MIGA1: variants seen among roughly 807,000 people sequenced by gnomAD.
MIGA1 encodes mitoguardin 1.
In MIGA1, 58 loss-of-function variants were observed where a neutral mutation model predicts 82.0. The observed-to-expected ratio is 0.71, with a 90% CI of 0.57 to 0.88. The LOEUF is 0.88. Ranked by LOEUF, MIGA1 falls within the 40% of genes least tolerant of loss-of-function variation. The pLI is 0.00. For missense variants in MIGA1, 751 were observed against 749.1 expected (o/e 1.00, Z -0.03); for synonymous variants, 249 against 253.6 (o/e 0.98, Z 0.17).
intron 7 of MIGA1, among the ~76,000 whole-genome samples, chr1:77,827,412 C>A (rs1041262857): frequency 6.6e-6 from 1 of 151,564 alleles, no homozygotes; most frequent in Non-Finnish European, 1.5e-5. Flanking sequence ...AAATCGAGGC[C>A]GCAGTGAGCT....
intron 7 of MIGA1, among the ~76,000 whole-genome samples, chr1:77,829,578 C>T (rs780131769): frequency 6.6e-6 from 1 of 152,144 alleles, no homozygotes; most frequent in South Asian, 2.1e-4. Context: ...AAGTGATTCT[C>T]GTGCCTCAGC....
At position 77,835,800 on chromosome 1, in the gene MIGA1, T is replaced by A. The variant is rs569726691; in HGVS notation, c.896-7507T>A. Among the ~76,000 whole-genome samples, 7 of 151,868 alleles carry A rather than the reference T, an allele frequency of 4.6e-5. No homozygotes were observed. In the South Asian group the frequency reaches 1.5e-3, roughly 32 times the overall value. ...CCATCTCTACTGAAAATACAGAAATTAGCCAGGCGTGGTGGTGCACACCTC... is the reference window on the plus strand; with the variant it reads ...CCATCTCTACTGAAAATACAGAAATAAGCCAGGCGTGGTGGTGCACACCTC... On this transcript the variant is annotated intron_variant, in intron 7 of 15. Transcript: ENST00000370791.
Position 77,861,314 on chromosome 1 carries a change from G to C in MIGA1, c.1366G>C (p.Ala456Pro). The C allele has an allele frequency of 6.2e-7, 1 of 1,602,516 alleles. No homozygotes were observed. Among genetic ancestry groups the C allele is most frequent in the Non-Finnish European group, 8.5e-7 (1 of 1,172,278 alleles). ...GGGTAGTACTGAAATGGAACTTGCTGCTAGAGGGGTAAATTCAAATTTTTT... is the reference window on the plus strand; with the variant it reads ...GGGTAGTACTGAAATGGAACTTGCTCCTAGAGGGGTAAATTCAAATTTTTT... Residue 456 changes from alanine (A) to proline (P), a missense_variant, in exon 12 of 16, where the codon GCT (alanine) becomes CCT (proline). By Grantham distance (27) the Ala-to-Pro change is conservative. Around this residue, in one of 3 missense-constraint regions of MIGA1, gnomAD observed 265 missense variants for 293.6 expected, o/e 0.90. Coordinates refer to ENST00000370791, the MANE Select transcript of MIGA1 (RefSeq NM_198549.4).
chr1:77,814,239 T>C (rs891223118), intron 6 of MIGA1, among the ~76,000 whole-genome samples: 2 of 152,220 alleles, frequency 1.3e-5, no homozygotes, highest in African/African-American at 4.8e-5. Context: ...GTGCATTTAA[T>C]AGAACTGTTT....
chr1:77,792,361 G>A (rs887862491), intron 2 of MIGA1, among the ~76,000 whole-genome samples: 32 of 152,208 alleles, frequency 2.1e-4, no homozygotes, highest in African/African-American at 7.2e-4. Flanking sequence ...TCATTCCACC[G>A]CTGGGTCTTT....
chr1:77,790,033 G>A (rs1682347844), intron 2 of MIGA1, among the ~76,000 whole-genome samples: 1 of 152,076 alleles, frequency 6.6e-6, no homozygotes, highest in South Asian at 2.1e-4. Flanking sequence ...AGATTCATAG[G>A]AAGTTGCAAA....
chr1:77,844,760 G>C, intron 8 of MIGA1, among the ~76,000 whole-genome samples: 1 of 152,132 alleles, frequency 6.6e-6, no homozygotes, highest in Admixed American at 6.5e-5. Flanking sequence ...GGCCTCCTGA[G>C]GCCCTGAGGT....
At chr1:77,793,107 A>T (rs892070343) in intron 2 of MIGA1, among the ~76,000 whole-genome samples, 1 of 144,852 alleles carries the variant, frequency 6.9e-6, no homozygotes, top group Admixed American at 6.8e-5. Flanking sequence ...TTTTGTTTGT[A>T]TGTTTTTTGT....
chr1:77,822,962 C>A (rs1683882104), intron 7 of MIGA1, among the ~76,000 whole-genome samples: 1 of 151,458 alleles, frequency 6.6e-6, no homozygotes, highest in Admixed American at 6.6e-5. Flanking sequence ...CCTGCCTCAA[C>A]CTCCCGAATA....
intron 8 of MIGA1, among the ~76,000 whole-genome samples, chr1:77,857,067 G>C (rs768496345): frequency 6.6e-6 from 1 of 151,998 alleles, no homozygotes; most frequent in Non-Finnish European, 1.5e-5. Context: ...GGTTTTGATA[G>C]GTTGTGTCAT....
In MIGA1 at chr1:77,864,403, C is replaced by T. The variant is rs148212402; in HGVS notation, c.1509+375C>T. 7.7e-4 allele frequency among the ~76,000 whole-genome samples: 116 copies of T among 151,568 alleles called. No homozygotes were observed. The East Asian group carries it at 0.018, about 23-fold the overall frequency. ...AAACAAAAAAGTGGTTGGCCAGGCGCGGTTGCTCACACCTGTAATCTCAGC... is the reference window on the plus strand; with the variant it reads ...AAACAAAAAAGTGGTTGGCCAGGCGTGGTTGCTCACACCTGTAATCTCAGC... On this transcript the variant is annotated intron_variant, in intron 13 of 15. Transcript: ENST00000370791.
chr1:77,863,402 A>G (rs1685544542), intron 12 of MIGA1, among the ~76,000 whole-genome samples: 1 of 152,204 alleles, frequency 6.6e-6, no homozygotes, highest in South Asian at 2.1e-4. Flanking sequence ...ATTGTGCTTC[A>G]CACAGTTCAT....
chr1:77,871,625 A>G (rs1646835318), intron 14 of MIGA1, among the ~76,000 whole-genome samples: 1 of 152,232 alleles, frequency 6.6e-6, no homozygotes, highest in Non-Finnish European at 1.5e-5. Context: ...TCAGTGCTGT[A>G]TAACAAATCC....
At position 77,812,172 on chromosome 1, in the gene MIGA1, T is replaced by TA. The variant is rs200354657; in HGVS notation, c.638-1555dup. ...CTACAAATAAATAAATAAATACATT[T>TA]AAAAAAATAAAAGAGGCTGGGTGTG... On this transcript the variant is annotated intron_variant, in intron 5 of 15. Transcript: ENST00000370791. Among the ~76,000 whole-genome samples, 572 of 151,858 alleles carry TA rather than the reference T, an allele frequency of 3.8e-3. 4 individuals are homozygous for TA. The highest frequency in any genetic ancestry group is 0.012 in the African/African-American group (510 of 41,430).
chr1:77,798,437 AG>A (rs2101738736), intron 2 of MIGA1, among the ~76,000 whole-genome samples: 1 of 152,356 alleles, frequency 6.6e-6, no homozygotes, highest in South Asian at 2.1e-4. Flanking sequence ...AGAAGGCAAA[AG>A]GTGCGTCTTC....
rs1482937945 is a variant in MIGA1, at chr1:77,811,259, T to G, written c.638-2475T>G. 20 of 1,581,868 alleles carry G rather than the reference T, an allele frequency of 1.3e-5. No individual in the cohort carries two copies. In the South Asian group the frequency reaches 1.9e-4, roughly 15 times the overall value. ...TGCCCAGCATCTTTCAAACCAATTT[T>G]CGCAATTCTGATAGTGAGTAATGTC... On this transcript the variant is annotated intron_variant, in intron 5 of 15. Transcript: ENST00000370791.
intron 2 of MIGA1, among the ~76,000 whole-genome samples, chr1:77,787,325 CAT>C (rs1456936722): frequency 6.6e-6 from 1 of 151,480 alleles, no homozygotes; most frequent in Admixed American, 6.6e-5. Flanking sequence ...AGCATCTTCT[CAT>C]GTGCTTATTG....
At chr1:77,866,117 G>A (rs992732116) in intron 13 of MIGA1, among the ~76,000 whole-genome samples, 40 of 151,942 alleles carry the variant, frequency 2.6e-4, no homozygotes, top group African/African-American at 7.0e-4. Context: ...GGGTTTCACC[G>A]TCTTGGCCAG....
intron 7 of MIGA1, among the ~76,000 whole-genome samples, chr1:77,829,771 G>A (rs576834125): frequency 2.4e-4 from 37 of 152,022 alleles, no homozygotes; most frequent in South Asian, 1.0e-3. Flanking sequence ...GCGCCCGGCC[G>A]TAGAAGTTTT....
Sources: allele counts gnomAD v4.1 joint callset (sites outside exome capture counted in the v4.1 genomes callset), GRCh38; gene constraint gnomAD v4.1.1; regional missense constraint gnomAD v4.1.1; transcripts MANE v1.5; gene names NCBI Gene and HGNC (gene_info 2026-07-23, HGNC 2026-07-21).